Variants in ADAM28 observed in about 807,000 individuals in gnomAD.
ADAM28 encodes the protein disintegrin and metalloproteinase domain-containing protein 28.
A neutral mutation model predicts 101.2 loss-of-function variants in ADAM28; 105 were observed. The observed-to-expected ratio is 1.04, with a 90% CI of 0.89 to 1.22. ADAM28 has a LOEUF of 1.22. Among genes scored for constraint, ADAM28 ranks in the 50% most tolerant of loss-of-function variants. The pLI, the probability that ADAM28 is intolerant of heterozygous loss-of-function variation, is 0.00. For synonymous variants in ADAM28, 322 were observed against 310.6 expected (o/e 1.04, Z -0.39); for missense variants, 1,028 against 945.4 (o/e 1.09, Z -1.15).
At chr8:24,343,002 C>T in intron 16 of ADAM28, 99 bp from the exon 17 acceptor site, 11 of 1,544,236 alleles carry the variant, frequency 7.1e-6, no homozygotes, top group Non-Finnish European at 9.6e-6. Flanking sequence ...CCTGGCAGAG[C>T]CACCTTAAAC....
At chr8:24,318,014 A>T (rs1292890994) in intron 6 of ADAM28, among the ~76,000 whole-genome samples, 2 of 152,076 alleles carry the variant, frequency 1.3e-5, no homozygotes, top group Non-Finnish European at 2.9e-5. Context: ...GAGCAATTCC[A>T]TGCTGGTCGT....
rs549094572 is a variant in ADAM28, at chr8:24,355,306, C to G, written c.*902C>G. On this transcript the variant is annotated 3_prime_UTR_variant, in exon 23 of 23. Transcript: ENST00000265769. ...TAGTTGATGGGTAATGTAGCAAACA[C>G]TATTGGTTTCCTACCAAATAATCCC... The G allele has an allele frequency of 3.9e-5, 6 of 152,268 alleles. No homozygotes were observed. Among genetic ancestry groups the G allele is most frequent in the African/African-American group, 1.4e-4 (6 of 41,582 alleles). The allele number at this position is 152,268 out of a possible 1,614,324, so 9.4% of individuals were successfully genotyped here.
At chr8:24,348,522 C>G (rs1299222191) in intron 18 of ADAM28, among the ~76,000 whole-genome samples, 1 of 152,120 alleles carries the variant, frequency 6.6e-6, no homozygotes, top group Non-Finnish European at 1.5e-5. Context: ...TTCTGTCTCT[C>G]CAGGTCCTTG....
intron 10 of ADAM28, among the ~76,000 whole-genome samples, chr8:24,329,132 C>T (rs1457209783): frequency 6.6e-6 from 1 of 152,022 alleles, no homozygotes; most frequent in Non-Finnish European, 1.5e-5. Context: ...TTGGAGCACT[C>T]CATATTTCTA....
chr8:24,350,857 C>T (rs1271916556), intron 19 of ADAM28, among the ~76,000 whole-genome samples: 2 of 75,422 alleles, frequency 2.7e-5, no homozygotes, highest in Non-Finnish European at 5.0e-5. Flanking sequence ...GATTCTGGCA[C>T]AACGGTGTTT....
intron 1 of ADAM28, chr8:24,295,836 G>A (rs535949183): frequency 6.6e-6 from 1 of 152,312 alleles, no homozygotes; most frequent in African/African-American, 2.4e-5. Flanking sequence ...CATTTGGGTT[G>A]CCTTTCTAGT....
intron 17 of ADAM28, 80 bp downstream of exon 17, chr8:24,343,261 A>G (rs11987905): frequency 0.16 from 244,265 of 1,505,332 alleles, 21,465 homozygotes; most frequent in East Asian, 0.36. Flanking sequence ...CTAAAGGAAT[A>G]TTTTCAGCTT....
chr8:24,313,398 A>C lies in ADAM28; in HGVS notation c.394A>C (p.Ser132Arg). 1.2e-6 allele frequency: 2 copies of C among 1,611,138 alleles called. No individual in the cohort carries two copies. Among genetic ancestry groups the C allele is most frequent in the Non-Finnish European group, 8.5e-7 (1 of 1,178,788 alleles). Residue 132 changes from serine (S) to arginine (R), a missense_variant, in exon 6 of 23, where the codon AGT (serine) becomes CGT (arginine). Coordinates refer to ENST00000265769, the MANE Select transcript of ADAM28 (RefSeq NM_014265.6). ...CTCATGTTTTTTCAGGGGCTACTTCAGTCAGGGGGATCAAAGATACTTTAT... is the reference window on the plus strand; with the variant it reads ...CTCATGTTTTTTCAGGGGCTACTTCCGTCAGGGGGATCAAAGATACTTTAT... ...STCRGLRGYFSQGDQRYFIEP... is the reference protein window; with the variant it reads ...STCRGLRGYFRQGDQRYFIEP...
At position 24,358,475 on chromosome 8, in the gene ADAM28, A is replaced by G. The variant is rs1265476522; in HGVS notation, c.*4071A>G. 1 of 152,180 alleles carries G rather than the reference A, an allele frequency of 6.6e-6. No individual in the cohort carries two copies. The highest frequency in any genetic ancestry group is 2.4e-5 in the African/African-American group (1 of 41,444). 9.4% of individuals were successfully genotyped at this position (152,180 alleles called of 1,614,324 possible). A position where few individuals can be genotyped will look rare whatever the true frequency, so the allele number is the denominator to read the frequency against. ...TTTTTTCTCCAAAGTGGGCCAAGCCAAGAGTGGCACAGCTGTGTGGAGATA... is the reference window on the plus strand; with the variant it reads ...TTTTTTCTCCAAAGTGGGCCAAGCCGAGAGTGGCACAGCTGTGTGGAGATA... On this transcript the variant is annotated 3_prime_UTR_variant, in exon 23 of 23. Coordinates refer to ENST00000265769, the MANE Select transcript of ADAM28 (RefSeq NM_014265.6).
chr8:24,310,628 A>T (rs949934022), intron 4 of ADAM28, among the ~76,000 whole-genome samples: 3 of 152,092 alleles, frequency 2.0e-5, no homozygotes, highest in Non-Finnish European at 4.4e-5. Context: ...TTTCTTAAAC[A>T]ATTTCTCTTT....
chr8:24,349,332 G>A (rs1200572394), intron 18 of ADAM28, among the ~76,000 whole-genome samples: 2 of 152,142 alleles, frequency 1.3e-5, no homozygotes, highest in African/African-American at 2.4e-5. Context: ...AGGAATATTT[G>A]TTCAAACCAT....
At chr8:24,343,020 G>A in intron 16 of ADAM28, 81 bp from the exon 17 acceptor site, 1 of 1,596,216 alleles carries the variant, frequency 6.3e-7, no homozygotes, top group Non-Finnish European at 8.5e-7. Context: ...AACAACATCT[G>A]CTAGCCTCTT....
At chr8:24,303,124 T>C (rs763492025) in intron 2 of ADAM28, among the ~76,000 whole-genome samples, 6 of 152,210 alleles carry the variant, frequency 3.9e-5, no homozygotes, top group Non-Finnish European at 7.3e-5. Flanking sequence ...TTTATTTTGC[T>C]GTATAGAAGC....
chr8:24,341,732 A>C lies in ADAM28; in HGVS notation c.1805A>C (p.Asn602Thr). 6.2e-7 allele frequency: 1 copy of C among 1,613,856 alleles called. No individual in the cohort carries two copies. The highest frequency in any genetic ancestry group is 1.3e-5 in the African/African-American group (1 of 75,040). Residue 602 changes from asparagine to threonine, a missense_variant, in exon 16 of 23, where the codon AAT (asparagine) becomes ACT (threonine). Coordinates refer to ENST00000265769, the MANE Select transcript of ADAM28 (RefSeq NM_014265.6). ...AGTCAAGAAATAGGCATGGTGGCCA[A>C]TGGAACTAAGTGTGGCGATAACAAG... ...DTSQEIGMVA[N>T]GTKCGDNKVC...
At chr8:24,341,356 A>G (rs922835313) in intron 15 of ADAM28, 13 of 381,898 alleles carry the variant, frequency 3.4e-5, no homozygotes, top group Non-Finnish European at 5.5e-5. Flanking sequence ...ATGGGCCAGC[A>G]CTTCGGCAAC....
intron 18 of ADAM28, among the ~76,000 whole-genome samples, chr8:24,347,557 A>G (rs375835541): frequency 4.6e-5 from 7 of 152,086 alleles, no homozygotes; most frequent in Non-Finnish European, 8.8e-5. Flanking sequence ...TAATTGTCTG[A>G]TATATAAATT....
chr8:24,305,408 C>T (rs1563268849), intron 2 of ADAM28, among the ~76,000 whole-genome samples: 1 of 142,398 alleles, frequency 7.0e-6, no homozygotes, highest in Non-Finnish European at 1.5e-5. Flanking sequence ...GTGTAACCTT[C>T]ACTTCTGGTT....
Position 24,310,301 on chromosome 8 carries a change from G to A in ADAM28, c.306+60G>A, listed in dbSNP as rs1378427517. 4.0e-5 allele frequency: 59 copies of A among 1,481,846 alleles called. 1 individual carries two copies. In the East Asian group the frequency reaches 1.4e-3, roughly 34 times the overall value. 91.8% of individuals were successfully genotyped at this position (1,481,846 alleles called of 1,614,324 possible). A position where few individuals can be genotyped will look rare whatever the true frequency, so the allele number is the denominator to read the frequency against. ...TTTTACCCACAGACCTAAAGGTAGT[G>A]TCCTTGCCAGGCAAATAATAGAAGT... On this transcript the variant is annotated intron_variant, in intron 4 of 22. Transcript: ENST00000265769.
chr8:24,310,159 C>T lies in ADAM28; in HGVS notation c.228-4C>T, dbSNP rs961845079. On this transcript the variant is annotated splice_region_variant and splice_polypyrimidine_tract_variant and intron_variant, in intron 3 of 22. Transcript: ENST00000265769. Reference sequence around the variant, plus strand: ...CCACAACATTTTTGTGTTTCTTTCTCCAGGAACCTCCTTGCACCAGGCTAC... The same window carrying T: ...CCACAACATTTTTGTGTTTCTTTCTTCAGGAACCTCCTTGCACCAGGCTAC... The T allele has an allele frequency of 6.2e-7, 1 of 1,613,080 alleles. No individual in the cohort carries two copies. The highest frequency in any genetic ancestry group is 8.5e-7 in the Non-Finnish European group (1 of 1,179,466).
Sources: allele counts gnomAD v4.1 joint callset (sites outside exome capture counted in the v4.1 genomes callset), GRCh38; gene constraint gnomAD v4.1.1; transcripts MANE v1.5; gene names NCBI Gene and HGNC (gene_info 2026-07-23, HGNC 2026-07-21).